VPS13B: variants seen among roughly 807,000 people sequenced by gnomAD.
The protein encoded by VPS13B is intermembrane lipid transfer protein VPS13B.
Under a neutral mutation model 426.4 loss-of-function variants are expected in VPS13B, and 285 were observed. The observed-to-expected ratio is 0.67, with a 90% CI of 0.61 to 0.74. VPS13B has a LOEUF of 0.74. VPS13B is among the 30% of genes least tolerant of loss of function. The probability of loss-of-function intolerance (pLI) is 0.00; values close to 1 mark genes in which losing one functional copy is unlikely to be tolerated. For missense variants in VPS13B, 4,537 were observed against 4,782.6 expected, an observed-to-expected ratio of 0.95 and a Z score of 1.51; for synonymous variants, 1,676 against 1,676.4, an observed-to-expected ratio of 1.00 and a Z score of 0.01.
chr8:99,556,719 A>G (rs898854378), intron 31 of VPS13B, 66 bp downstream of exon 31: 1 of 1,538,832 alleles, frequency 6.5e-7, no homozygotes, highest in African/African-American at 1.4e-5. Flanking sequence ...TTGGTGATAC[A>G]ATCTTTAGCA....
chr8:99,809,052 T>C (rs573184999), intron 43 of VPS13B, among the ~76,000 whole-genome samples: 8 of 152,328 alleles, frequency 5.3e-5, no homozygotes, highest in Admixed American at 2.6e-4. Context: ...GGTTCTTTGA[T>C]CTCACGCTTC....
chr8:99,057,271 C>T (rs1418204678), intron 3 of VPS13B, among the ~76,000 whole-genome samples: 1 of 152,050 alleles, frequency 6.6e-6, no homozygotes, highest in Non-Finnish European at 1.5e-5. Flanking sequence ...GATTCTGCCT[C>T]CATGATGCCG....
chr8:99,240,774 A>G (rs1378762953), intron 17 of VPS13B: 1 of 152,688 alleles, frequency 6.5e-6, no homozygotes, highest in Admixed American at 6.5e-5. Flanking sequence ...GACACAATCT[A>G]CTAGTTATTT....
chr8:99,627,448 C>A (rs891413315), intron 33 of VPS13B, among the ~76,000 whole-genome samples: 1 of 151,970 alleles, frequency 6.6e-6, no homozygotes, highest in Non-Finnish European at 1.5e-5. Flanking sequence ...TGGAATCTCG[C>A]TCTGTCTCCC....
At chr8:99,583,758 G>C (rs895862170) in intron 33 of VPS13B, among the ~76,000 whole-genome samples, 1 of 152,156 alleles carries the variant, frequency 6.6e-6, no homozygotes, top group African/African-American at 2.4e-5. Context: ...TTTCAGGTAA[G>C]ATGAGGGATA....
intron 15 of VPS13B, among the ~76,000 whole-genome samples, chr8:99,159,811 C>T (rs1563574779): frequency 6.6e-6 from 1 of 152,054 alleles, no homozygotes; most frequent in East Asian, 1.9e-4. Flanking sequence ...GGTACACATG[C>T]CCATGCTCAG....
At chr8:99,536,099 G>A (rs146196420) in intron 30 of VPS13B, among the ~76,000 whole-genome samples, 3,342 of 151,928 alleles carry the variant, frequency 0.022, 126 homozygotes, top group African/African-American at 0.075. Context: ...ACAGGCGCAC[G>A]TCACCATGCC....
rs1006662349 is a variant in VPS13B, at chr8:99,431,625, T to G, written c.3171T>G (p.Ile1057Met). 1 of 1,613,304 alleles carries G rather than the reference T, an allele frequency of 6.2e-7. No individual in the cohort carries two copies. The highest frequency in any genetic ancestry group is 1.3e-5 in the African/African-American group (1 of 74,910). ...RSPEERMKEF[I>M]GIVWNAVKHL... The stretch of plus-strand genomic sequence containing the variant: ...CTGAAGAAAGAATGAAGGAATTTAT[T>G]GGAATTGTTTGGAATGCAGTGAAGC... Residue 1057 changes from isoleucine (I) to methionine (M), a missense_variant, in exon 22 of 62, where the codon ATT becomes ATG. By Grantham distance (10) the Ile-to-Met change is conservative. Transcript: ENST00000357162.
intron 21 of VPS13B, among the ~76,000 whole-genome samples, chr8:99,416,347 G>T (rs1194133805): frequency 2.6e-5 from 4 of 152,188 alleles, no homozygotes; most frequent in Non-Finnish European, 5.9e-5. Context: ...ATCTTAGCTT[G>T]CTGGGCTCCG....
intron 39 of VPS13B, among the ~76,000 whole-genome samples, chr8:99,737,411 T>TA (rs1833889240): frequency 6.6e-6 from 1 of 152,252 alleles, no homozygotes; most frequent in African/African-American, 2.4e-5. Context: ...CAGTGCTTCT[T>TA]AAATTTTTCC....
chr8:99,576,242 C>T (rs1357292155), intron 32 of VPS13B, among the ~76,000 whole-genome samples: 1 of 152,100 alleles, frequency 6.6e-6, no homozygotes, highest in Non-Finnish European at 1.5e-5. Context: ...GCTAATCCTA[C>T]CAATTGCATT....
chr8:99,506,262 C>A (rs1340875710), intron 27 of VPS13B, among the ~76,000 whole-genome samples: 1 of 152,038 alleles, frequency 6.6e-6, no homozygotes, highest in East Asian at 1.9e-4. Context: ...TTATTTTTGT[C>A]ATATTAAACA....
intron 33 of VPS13B, among the ~76,000 whole-genome samples, chr8:99,593,147 AT>A (rs1323194120): frequency 6.6e-6 from 1 of 151,910 alleles, no homozygotes; most frequent in African/African-American, 2.4e-5. Context: ...TGGGAGAAAA[AT>A]TTTGCAAACT....
rs5893476 is a variant in VPS13B, at chr8:99,044,084, C to CTTTTTTTTT, written c.291+5528_291+5536dup. On this transcript the variant is annotated intron_variant, in intron 3 of 61. Coordinates refer to ENST00000357162, the MANE Select transcript of VPS13B (RefSeq NM_152564.5). Reference sequence around the variant, plus strand: ...CATTTCTTTTTTTTTTTCTTTCTTTCTTTTTTTTTTTTTTTTTTGAGACGG... The same window carrying CTTTTTTTTT: ...CATTTCTTTTTTTTTTTCTTTCTTTCTTTTTTTTTTTTTTTTTTTTTTTTTTTGAGACGG... 2.1e-3 allele frequency among the ~76,000 whole-genome samples: 206 copies of CTTTTTTTTT among 98,922 alleles called. 1 individual carries two copies. Among genetic ancestry groups the CTTTTTTTTT allele is most frequent in the Non-Finnish European group, 2.5e-3 (136 of 53,994 alleles). The allele number at this position is 98,922 out of a possible 152,430, so 64.9% of individuals were successfully genotyped here.
rs146721981 is a variant in VPS13B at position 99,051,959 on chromosome 8, A to G, written c.291+13393A>G. On this transcript the variant is annotated intron_variant, in intron 3 of 61. Transcript: ENST00000357162. Reference sequence around the variant, plus strand: ...AGATGATGGGGTTTTCTCGATATACAATCATGTCATCCACAAACAGGGACA... The same window carrying G: ...AGATGATGGGGTTTTCTCGATATACGATCATGTCATCCACAAACAGGGACA... Among the ~76,000 whole-genome samples the G allele has an allele frequency of 1.8e-3, 268 of 152,318 alleles. 1 individual carries two copies. The highest frequency in any genetic ancestry group is 6.3e-3 in the African/African-American group (262 of 41,566).
intron 36 of VPS13B, among the ~76,000 whole-genome samples, chr8:99,715,577 G>A (rs753075582): frequency 3.3e-5 from 5 of 152,114 alleles, no homozygotes; most frequent in Non-Finnish European, 5.9e-5. Context: ...AATAAGATAA[G>A]CAACCTAGGT....
At chr8:99,683,049 T>C (rs1588619616) in intron 35 of VPS13B, among the ~76,000 whole-genome samples, 2 of 152,254 alleles carry the variant, frequency 1.3e-5, no homozygotes, top group African/African-American at 2.4e-5. Flanking sequence ...AATTTTTATA[T>C]ACAGTATGAA....
intron 39 of VPS13B, among the ~76,000 whole-genome samples, chr8:99,759,530 C>T (rs760568215): frequency 1.3e-5 from 2 of 152,202 alleles, no homozygotes; most frequent in Non-Finnish European, 2.9e-5. Context: ...TGACAAAAGG[C>T]TAGTGCTGAA....
At chr8:99,684,846 C>T (rs971466589) in intron 35 of VPS13B, among the ~76,000 whole-genome samples, 3 of 152,186 alleles carry the variant, frequency 2.0e-5, no homozygotes, top group African/African-American at 7.2e-5. Flanking sequence ...CTCTGTCGCC[C>T]AGGCTGGAGT....
Sources: allele counts gnomAD v4.1 joint callset (sites outside exome capture counted in the v4.1 genomes callset), GRCh38; gene constraint gnomAD v4.1.1; transcripts MANE v1.5; gene names NCBI Gene and HGNC (gene_info 2026-07-23, HGNC 2026-07-21).